CHD2: variants seen among roughly 807,000 people sequenced by gnomAD.
The protein encoded by CHD2 is ATP-dependent chromatin remodeler CHD2.
In CHD2, 28 loss-of-function variants were observed where a neutral mutation model predicts 243.9. The observed-to-expected ratio is 0.11, with a 90% CI of 0.09 to 0.16. The LOEUF is 0.16. Among genes scored for constraint, CHD2 ranks in the 10% least tolerant of loss-of-function variants. CHD2 has a pLI of 1.00. For missense variants in CHD2, 1,386 were observed against 2,209.8 expected, an observed-to-expected ratio of 0.63 and a Z score of 7.47; for synonymous variants, 775 against 779.0, an observed-to-expected ratio of 0.99 and a Z score of 0.09.
rs2053338679 is a variant in CHD2, at chr15:92,940,294, AAAT to A, written c.692+579_692+581del. 2.0e-5 allele frequency among the ~76,000 whole-genome samples: 3 copies of A among 152,242 alleles called. No homozygotes were observed. In the South Asian group the frequency reaches 6.2e-4, roughly 32 times the overall value. On this transcript the variant is annotated intron_variant, in intron 7 of 38. Transcript: ENST00000394196. ...CAGGGCGAGACCCTGTCTCTACAAA[AAAT>A]AAGAAAAAGCCGAGTGTGGTGGCGG... is the stretch of plus-strand genomic sequence containing the variant.
intron 34 of CHD2, 50 bp downstream of exon 34, chr15:93,004,801 T>C (rs1190097501): frequency 6.3e-7 from 1 of 1,587,780 alleles, no homozygotes; most frequent in South Asian, 1.1e-5. Flanking sequence ...CGGTACTTGC[T>C]GTGGCTCTGC....
At chr15:92,910,801 T>G (rs191715271) in intron 2 of CHD2, among the ~76,000 whole-genome samples, 94 of 152,304 alleles carry the variant, frequency 6.2e-4, no homozygotes, top group Non-Finnish European at 1.2e-3. Context: ...GGTTGTACGG[T>G]CATGTGTTGC....
intron 5 of CHD2, among the ~76,000 whole-genome samples, chr15:92,935,895 C>T (rs1282833214): frequency 6.6e-6 from 1 of 151,958 alleles, no homozygotes; most frequent in Non-Finnish European, 1.5e-5. Context: ...CACCCCTACC[C>T]GTCTGACTGA....
intron 25 of CHD2, among the ~76,000 whole-genome samples, 165 bp from the exon 26 acceptor site, chr15:92,985,333 G>T (rs1319548649): frequency 2.0e-5 from 3 of 152,178 alleles, no homozygotes; most frequent in Non-Finnish European, 4.4e-5. Flanking sequence ...TCCTAAGTGG[G>T]TATTTCTCCA....
intron 4 of CHD2, among the ~76,000 whole-genome samples, chr15:92,928,214 T>C (rs1365880610): frequency 1.3e-5 from 2 of 152,250 alleles, no homozygotes; most frequent in African/African-American, 4.8e-5. Context: ...TTATTTTGAG[T>C]GACCTCTGAG....
chr15:92,943,534 A>G (rs2053415556), intron 9 of CHD2: 1 of 162,180 alleles, frequency 6.2e-6, no homozygotes, highest in African/African-American at 2.4e-5. Context: ...ATATACTTAA[A>G]ACAAATTCTG....
At chr15:92,919,361 AC>A (rs1187782746) in intron 2 of CHD2, among the ~76,000 whole-genome samples, 3 of 151,206 alleles carry the variant, frequency 2.0e-5, no homozygotes, top group Admixed American at 6.6e-5. Context: ...ATTCAGTCTT[AC>A]ATCTGATTCT....
Position 93,014,921 on chromosome 15 carries a change from A to C in CHD2, c.4906+12A>C, listed in dbSNP as rs767377627. The stretch of plus-strand genomic sequence containing the variant: ...CTTCAGTAATGCAGGTAGGTCATTA[A>C]GTGGAGTTTTTAAAAGAGGTGCCAA... On this transcript the variant is annotated intron_variant, in intron 37 of 38. Coordinates refer to ENST00000394196, the MANE Select transcript of CHD2 (RefSeq NM_001271.4). 2 of 1,607,976 alleles carry C rather than the reference A, an allele frequency of 1.2e-6. No homozygotes were observed. The highest frequency in any genetic ancestry group is 2.2e-5 in the South Asian group (2 of 90,832).
At chr15:92,927,368 C>G (rs967234939) in intron 4 of CHD2, 38 bp downstream of exon 4, 2 of 1,388,304 alleles carry the variant, frequency 1.4e-6, no homozygotes, top group Non-Finnish European at 2.0e-6. Flanking sequence ...CATTTAAACT[C>G]CCTATCTTAC....
Position 92,944,167 on chromosome 15 carries a change from A to G in CHD2, c.1053-248A>G, listed in dbSNP as rs548802974. The G allele has an allele frequency of 3.3e-5, 9 of 272,072 alleles. No homozygotes were observed. In the East Asian group the frequency reaches 5.6e-4, roughly 17 times the overall value. 16.9% of individuals were successfully genotyped at this position (272,072 alleles called of 1,614,324 possible). A position where few individuals can be genotyped will look rare whatever the true frequency, so the allele number is the denominator to read the frequency against. On this transcript the variant is annotated intron_variant, in intron 9 of 38. Coordinates refer to ENST00000394196, the MANE Select transcript of CHD2 (RefSeq NM_001271.4). Reference sequence around the variant, plus strand: ...ATTTTTGGGTCTCTTTTTAGACAGGACACATCAGAGGCAGGTAACTGGTAT... The same window carrying G: ...ATTTTTGGGTCTCTTTTTAGACAGGGCACATCAGAGGCAGGTAACTGGTAT...
intron 13 of CHD2, among the ~76,000 whole-genome samples, chr15:92,952,675 C>T (rs950743882): frequency 2.0e-5 from 3 of 152,246 alleles, no homozygotes; most frequent in African/African-American, 7.2e-5. Flanking sequence ...GCTTCCCTCC[C>T]TCACCCGCTG....
At chr15:92,971,955 CA>C (rs3215369) in intron 18 of CHD2, 28 bp downstream of exon 18, 12 of 1,578,606 alleles carry the variant, frequency 7.6e-6, no homozygotes, top group South Asian at 3.5e-5. Context: ...ATTACTTTCT[CA>C]AAAAAAACGC....
intron 2 of CHD2, among the ~76,000 whole-genome samples, chr15:92,907,213 C>A (rs2052640069): frequency 6.6e-6 from 1 of 152,178 alleles, no homozygotes; most frequent in Non-Finnish European, 1.5e-5. Flanking sequence ...CAAGGCTTTT[C>A]TTTTTGAAAT....
intron 19 of CHD2, chr15:92,974,626 T>C: frequency 2.7e-6 from 1 of 375,102 alleles, no homozygotes; most frequent in South Asian, 2.9e-5. Context: ...CTGGCAGCCA[T>C]TCTGATCCTT....
At chr15:92,924,957 C>T (rs540540802) in intron 3 of CHD2, among the ~76,000 whole-genome samples, 2 of 152,180 alleles carry the variant, frequency 1.3e-5, no homozygotes, top group Non-Finnish European at 2.9e-5. Flanking sequence ...TCTGCCACCA[C>T]GCCCAGCTAA....
chr15:92,928,172 C>G (rs2141753933), intron 4 of CHD2, among the ~76,000 whole-genome samples: 1 of 152,278 alleles, frequency 6.6e-6, no homozygotes, highest in Admixed American at 6.5e-5. Context: ...AAATCTAATT[C>G]ACCCTAACAT....
At chr15:92,918,502 G>A (rs188147464) in intron 2 of CHD2, among the ~76,000 whole-genome samples, 3 of 152,242 alleles carry the variant, frequency 2.0e-5, no homozygotes, top group African/African-American at 7.2e-5. Flanking sequence ...AAAATCCAAT[G>A]TTTAATTGCC....
intron 24 of CHD2, among the ~76,000 whole-genome samples, chr15:92,982,834 G>A (rs2053996553): frequency 6.6e-6 from 1 of 152,150 alleles, no homozygotes; most frequent in Admixed American, 6.5e-5. Flanking sequence ...GCAGAGGATG[G>A]GGTAGAGAAG....
At chr15:92,916,846 C>T (rs1011567555) in intron 2 of CHD2, among the ~76,000 whole-genome samples, 2 of 152,232 alleles carry the variant, frequency 1.3e-5, no homozygotes, top group Non-Finnish European at 2.9e-5. Flanking sequence ...GCTACTGCTC[C>T]TGGCTGATTC....
Sources: gnomAD v4.1 joint callset for allele counts (sites outside exome capture counted in the v4.1 genomes callset) on GRCh38, gnomAD v4.1.1 for gene constraint, MANE v1.5 for transcripts, NCBI Gene and HGNC (gene_info 2026-07-23, HGNC 2026-07-21) for gene names.